DNAAF4: variants seen among roughly 807,000 people sequenced by gnomAD.
DNAAF4 encodes dynein axonemal assembly factor 4, also known as dynein assembly factor 4, axonemal.
DNAAF4 carries 43 observed loss-of-function variants against 51.8 expected under a neutral mutation model. The observed-to-expected ratio is 0.83, with a 90% CI of 0.65 to 1.07. DNAAF4 has a LOEUF of 1.07. DNAAF4 is among the 50% of genes least tolerant of loss of function. The probability of loss-of-function intolerance (pLI) is 0.00; values close to 1 mark genes in which losing one functional copy is unlikely to be tolerated. For missense variants in DNAAF4, 581 were observed against 493.0 expected (o/e 1.18, Z -1.69); for synonymous variants, 194 against 165.6 (o/e 1.17, Z -1.32).
At chr15:55,490,982 GCAGA>G (rs1262857519) in intron 4 of DNAAF4, 137 bp downstream of exon 4, 3 of 907,498 alleles carry the variant, frequency 3.3e-6, no homozygotes, top group Non-Finnish European at 3.2e-6. Flanking sequence ...CATATAAATA[GCAGA>G]CAGTCTATAT....
chr15:55,460,883 G>T (rs1165580804), intron 5 of DNAAF4, among the ~76,000 whole-genome samples: 3 of 151,372 alleles, frequency 2.0e-5, no homozygotes, highest in African/African-American at 7.3e-5. Context: ...TTCTGCCTCA[G>T]CCTCCCAAGC....
At chr15:55,473,627 G>A (rs2058297834) in intron 4 of DNAAF4, among the ~76,000 whole-genome samples, 2 of 151,838 alleles carry the variant, frequency 1.3e-5, no homozygotes, top group Admixed American at 1.3e-4. Flanking sequence ...TTGATATTGG[G>A]AATAAAAATA....
chr15:55,473,198 A>AAAAAATAC (rs1209754897), intron 4 of DNAAF4, among the ~76,000 whole-genome samples: 1 of 75,750 alleles, frequency 1.3e-5, no homozygotes, highest in Non-Finnish European at 2.5e-5. Flanking sequence ...AAAAAAAAAA[A>AAAAAATAC]ATATATATAT....
At chr15:55,443,376 C>A in intron 6 of DNAAF4, 2 of 673,456 alleles carry the variant, frequency 3.0e-6, no homozygotes, top group Non-Finnish European at 5.0e-6. Flanking sequence ...GCCGTGCAGG[C>A]CGTGGGGCCG....
rs1555413855 is a variant in DNAAF4 at position 55,433,950 on chromosome 15, A to ATATTTTATATAATATATATAATAT, written c.1047+954_1047+955insATATTATATATATTATATAAAATA. Among the ~76,000 whole-genome samples the ATATTTTATATAATATATATAATAT allele has an allele frequency of 7.5e-4, 25 of 33,160 alleles. 2 individuals are homozygous for ATATTTTATATAATATATATAATAT. Among genetic ancestry groups the ATATTTTATATAATATATATAATAT allele is most frequent in the South Asian group, 7.5e-3 (12 of 1,610 alleles). 21.8% of individuals were successfully genotyped at this position (33,160 alleles called of 152,430 possible). ...ATATTATATAAAATATATATAATAT[A>ATATTTTATATAATATATATAATAT]TATAATATATATAATATATTTTATA... On this transcript the variant is annotated intron_variant, in intron 8 of 9. Transcript: ENST00000321149.
chr15:55,448,520 GTGT>G (rs1306583805), intron 6 of DNAAF4, among the ~76,000 whole-genome samples: 323 of 30,394 alleles, frequency 0.011, 5 homozygotes, highest in African/African-American at 0.031. Flanking sequence ...AAAAAAAAGG[GTGT>G]GTGTGTGTGT....
chr15:55,486,636 T>C (rs761880511), intron 4 of DNAAF4, among the ~76,000 whole-genome samples: 40 of 152,112 alleles, frequency 2.6e-4, no homozygotes, highest in Non-Finnish European at 4.3e-4. Context: ...ACAAAAAAAT[T>C]AGCAGGGCAT....
intron 3 of DNAAF4, chr15:55,495,159 C>A (rs2058623463): frequency 8.9e-6 from 1 of 111,860 alleles, no homozygotes; most frequent in Admixed American, 1.1e-4. Flanking sequence ...GGTCAAAAAA[C>A]AGGAACCTGA....
At chr15:55,461,332 G>A (rs1035343241) in intron 5 of DNAAF4, among the ~76,000 whole-genome samples, 5 of 151,842 alleles carry the variant, frequency 3.3e-5, no homozygotes, top group Admixed American at 6.6e-5. Flanking sequence ...TCCTGACCTC[G>A]TGATCCACCC....
At chr15:55,507,180 A>C (rs2058731563) in intron 1 of DNAAF4, among the ~76,000 whole-genome samples, 1 of 152,170 alleles carries the variant, frequency 6.6e-6, no homozygotes, top group Non-Finnish European at 1.5e-5. Context: ...ACGGAAACTG[A>C]ATCCACTAGA....
chr15:55,485,386 T>C (rs2058473065), intron 4 of DNAAF4, among the ~76,000 whole-genome samples: 1 of 152,208 alleles, frequency 6.6e-6, no homozygotes, highest in Non-Finnish European at 1.5e-5. Context: ...TAGTTATACA[T>C]GCCCATGATA....
At chr15:55,445,283 C>T (rs2057780412) in intron 6 of DNAAF4, among the ~76,000 whole-genome samples, 1 of 151,956 alleles carries the variant, frequency 6.6e-6, no homozygotes, top group East Asian at 1.9e-4. Flanking sequence ...TTTAACAAAG[C>T]ACATCTTGCA....
At chr15:55,502,981 C>T (rs2058707472) in intron 1 of DNAAF4, among the ~76,000 whole-genome samples, 1 of 151,962 alleles carries the variant, frequency 6.6e-6, no homozygotes, top group Non-Finnish European at 1.5e-5. Flanking sequence ...TCAGTGAATC[C>T]AGCAGCTGGT....
In DNAAF4 at chr15:55,467,113, G is replaced by A. The variant is rs201132774; in HGVS notation, c.454C>T (p.Arg152Trp). The A allele has an allele frequency of 2.5e-4, 387 of 1,533,826 alleles. No individual in the cohort carries two copies. The highest frequency in any genetic ancestry group is 3.4e-4 in the Middle Eastern group (2 of 5,894). ...KKIEDMKENE[R>W]IKATKALEAW... ...TCCAATGCTTTAGTGGCTTTTATCC[G>A]TTCATTTTCTTTCATATCTTCTATT... is the stretch of plus-strand genomic sequence containing the variant. Residue 152 changes from arginine to tryptophan, a missense_variant, in exon 5 of 10, where the codon CGG becomes TGG. Arg to Trp is a moderately radical substitution (Grantham distance 101, BLOSUM62 -3). Coordinates refer to ENST00000321149, the MANE Select transcript of DNAAF4 (RefSeq NM_130810.4).
intron 7 of DNAAF4, among the ~76,000 whole-genome samples, chr15:55,421,712 C>A (rs780469540): frequency 5.9e-5 from 9 of 151,278 alleles, no homozygotes; most frequent in Non-Finnish European, 1.0e-4. Flanking sequence ...TATGGAGAAA[C>A]CCCATCTCCA....
At chr15:55,467,377 C>T (rs1025660896) in intron 4 of DNAAF4, among the ~76,000 whole-genome samples, 5 of 152,060 alleles carry the variant, frequency 3.3e-5, no homozygotes, top group African/African-American at 9.7e-5. Context: ...AGATTTTAGT[C>T]CCAGATCTAC....
chr15:55,435,852 G>A (rs1306355585), intron 7 of DNAAF4, among the ~76,000 whole-genome samples: 3 of 152,086 alleles, frequency 2.0e-5, no homozygotes, highest in Non-Finnish European at 4.4e-5. Flanking sequence ...GCAATGGTGC[G>A]ATCTTGGCTC....
chr15:55,439,929 T>A (rs1048268622), intron 6 of DNAAF4, among the ~76,000 whole-genome samples: 1 of 152,150 alleles, frequency 6.6e-6, no homozygotes, highest in African/African-American at 2.4e-5. Context: ...CTACCAAGAA[T>A]CATGCTGGCA....
intron 6 of DNAAF4, among the ~76,000 whole-genome samples, chr15:55,440,239 G>C (rs548194032): frequency 2.6e-4 from 39 of 151,746 alleles, no homozygotes; most frequent in African/African-American, 8.0e-4. Flanking sequence ...TTTTAGTAGA[G>C]ACAGGGTTTC....
Sources: gnomAD v4.1 joint callset for allele counts (sites outside exome capture counted in the v4.1 genomes callset) on GRCh38, gnomAD v4.1.1 for gene constraint, MANE v1.5 for transcripts, NCBI Gene and HGNC (gene_info 2026-07-23, HGNC 2026-07-21) for gene names.